The following EXOC6 variants were observed in gnomAD, a reference collection of about 807,000 sequenced individuals.
EXOC6 encodes exocyst complex component 6, also known as SEC15-like 1.
In EXOC6, 60 loss-of-function variants were observed where a neutral mutation model predicts 112.5. The ratio of observed to expected loss-of-function variants is 0.53; its 90% CI spans 0.43 to 0.66. The LOEUF (loss-of-function observed/expected upper bound fraction) is 0.66, where lower values mean the gene tolerates loss of function less well. Ranked by LOEUF, EXOC6 falls within the 30% of genes least tolerant of loss-of-function variation. The pLI, the probability that EXOC6 is intolerant of heterozygous loss-of-function variation, is 0.00. For synonymous variants in EXOC6, 295 were observed against 308.0 expected, an observed-to-expected ratio of 0.96 and a Z score of 0.44; for missense variants, 855 against 957.1, an observed-to-expected ratio of 0.89 and a Z score of 1.41.
At chr10:92,944,152 T>G (rs1302517780) in intron 13 of EXOC6, among the ~76,000 whole-genome samples, 1 of 152,198 alleles carries the variant, frequency 6.6e-6, no homozygotes, top group African/African-American at 2.4e-5. Flanking sequence ...CAAAGGTCGA[T>G]TCCGTATTTT....
chr10:93,024,318 G>GAT (rs1844920033), intron 20 of EXOC6, among the ~76,000 whole-genome samples: 14 of 152,208 alleles, frequency 9.2e-5, no homozygotes, highest in Admixed American at 8.5e-4. Flanking sequence ...TTTCCCAAAG[G>GAT]GTCTTTCCAG....
intron 17 of EXOC6, among the ~76,000 whole-genome samples, chr10:92,957,110 T>G (rs963340395): frequency 2.0e-5 from 3 of 152,192 alleles, no homozygotes; most frequent in African/African-American, 7.2e-5. Context: ...TAGTTACTTA[T>G]TTATCCAAGG....
chr10:93,057,283 T>TTAATTGACCTTAGAAA (rs1465377474), intron 21 of EXOC6, among the ~76,000 whole-genome samples: 1 of 152,140 alleles, frequency 6.6e-6, no homozygotes, highest in Non-Finnish European at 1.5e-5. Flanking sequence ...AATTGCAAGC[T>TTAATTGACCTTAGAAA]TAATTGACCT....
At chr10:92,856,546 G>A (rs1032354736) in intron 1 of EXOC6, among the ~76,000 whole-genome samples, 1 of 152,138 alleles carries the variant, frequency 6.6e-6, no homozygotes, top group African/African-American at 2.4e-5. Flanking sequence ...ATTGCAGTCA[G>A]AGATAATAAT....
At chr10:92,834,573 T>C (rs1356340650), upstream of EXOC6, 4 of 528,720 alleles carry the variant, frequency 7.6e-6, no homozygotes, top group Non-Finnish European at 1.3e-5. Flanking sequence ...CAAAGACTTT[T>C]ATAGCATGAA....
At chr10:92,988,841 G>A (rs959648493) in intron 18 of EXOC6, among the ~76,000 whole-genome samples, 75 of 126,082 alleles carry the variant, frequency 5.9e-4, no homozygotes, top group Admixed American at 9.5e-4. Context: ...ACACACACAC[G>A]CATTTCTGAC....
At chr10:92,847,264 T>C (rs949140554), upstream of EXOC6, among the ~76,000 whole-genome samples, 2 of 152,244 alleles carry the variant, frequency 1.3e-5, no homozygotes, top group Non-Finnish European at 2.9e-5. Context: ...GACACTGCCA[T>C]TGTCATTTAC....
chr10:92,983,962 T>G (rs1233978470), intron 18 of EXOC6, among the ~76,000 whole-genome samples: 1 of 152,204 alleles, frequency 6.6e-6, no homozygotes, highest in African/African-American at 2.4e-5. Flanking sequence ...ATAGCTATAC[T>G]ATTATTTTTA....
intron 20 of EXOC6, among the ~76,000 whole-genome samples, chr10:93,034,229 A>G (rs1005776340): frequency 1.2e-4 from 19 of 152,150 alleles, no homozygotes; most frequent in Non-Finnish European, 2.2e-4. Context: ...GCTACCATCT[A>G]TTGGTTTTTA....
chr10:92,842,683 T>C (rs1221191628), intron 1 of EXOC6, among the ~76,000 whole-genome samples: 1 of 151,794 alleles, frequency 6.6e-6, no homozygotes, highest in Non-Finnish European at 1.5e-5. Flanking sequence ...ATTGCTTGTC[T>C]TATAAACTGG....
intron 20 of EXOC6, among the ~76,000 whole-genome samples, chr10:93,024,176 A>G (rs1443747066): frequency 6.6e-6 from 1 of 152,190 alleles, no homozygotes; most frequent in Non-Finnish European, 1.5e-5. Context: ...TCGTATCTTG[A>G]TAATCTTTTA....
rs568777706 is a variant in EXOC6, at chr10:92,827,768, G to A, written c.-27+824G>A. ...GCTAAAGGTCATTCTAGGCTCAGGG[G>A]TTCCCACACCTTTGTTGCTCCTGAT... On this transcript the variant is annotated intron_variant, in intron 1 of 22. Coordinates refer to the EXOC6 transcript ENST00000671701. 9.9e-5 allele frequency among the ~76,000 whole-genome samples: 15 copies of A among 152,234 alleles called. No homozygotes were observed. The South Asian group carries it at 3.1e-3, about 32-fold the overall frequency.
chr10:92,909,336 A>C, intron 5 of EXOC6, 91 bp from the exon 6 acceptor site: 1 of 851,238 alleles, frequency 1.2e-6, no homozygotes, highest in South Asian at 2.1e-5. Context: ...TTTTTGATGA[A>C]TAATCAGTGT....
chr10:92,996,824 C>T (rs1590001728), intron 18 of EXOC6, among the ~76,000 whole-genome samples: 1 of 152,132 alleles, frequency 6.6e-6, no homozygotes, highest in African/African-American at 2.4e-5. Context: ...CCACATACTT[C>T]CAACCTACCA....
chr10:92,896,181 ATTTTTTTT>A (rs58783356), intron 4 of EXOC6, among the ~76,000 whole-genome samples: 105 of 10,222 alleles, frequency 0.01, 2 homozygotes, highest in Non-Finnish European at 0.011. Flanking sequence ...ATATATATAT[ATTTTTTTT>A]TTTTTTTTTT....
Position 92,940,818 on chromosome 10 carries a change from T to A in EXOC6, c.1304T>A (p.Val435Asp). 1 of 1,604,216 alleles carries A rather than the reference T, an allele frequency of 6.2e-7. No homozygotes were observed. Among genetic ancestry groups the A allele is most frequent in the Non-Finnish European group, 8.5e-7 (1 of 1,174,566 alleles). ...ACACTGCTTAAGAAATGGGCTGGAG[T>A]TTTCAGGTTAGTCTAAGTCATGGTG... Reference protein sequence around the residue: ...NETLLKKWAGVFRDIFEEDNY... With the variant: ...NETLLKKWAGDFRDIFEEDNY... The change falls in exon 13 of 22, where the codon GTT becomes GAT. Residue 435 changes from valine (V) to aspartate (D), a missense_variant. By Grantham distance (152) the Val-to-Asp change is radical. Coordinates refer to ENST00000260762, the MANE Select transcript of EXOC6 (RefSeq NM_019053.6).
intron 20 of EXOC6, among the ~76,000 whole-genome samples, chr10:93,029,578 C>CT (rs1845181574): frequency 6.6e-6 from 1 of 152,136 alleles, no homozygotes. Context: ...GTCTTCTACT[C>CT]TGTTGCTTGT....
chr10:92,962,753 C>G (rs962814938), intron 17 of EXOC6, among the ~76,000 whole-genome samples: 1 of 152,114 alleles, frequency 6.6e-6, no homozygotes, highest in African/African-American at 2.4e-5. Context: ...TGGTTCTTGA[C>G]CACTAGGATT....
chr10:92,929,731 G>C (rs1163287255), intron 9 of EXOC6, among the ~76,000 whole-genome samples: 1 of 152,132 alleles, frequency 6.6e-6, no homozygotes, highest in Non-Finnish European at 1.5e-5. Context: ...ATTATGAATA[G>C]GTTTAACAGT....
Sources: allele counts gnomAD v4.1 joint callset (sites outside exome capture counted in the v4.1 genomes callset), GRCh38; gene constraint gnomAD v4.1.1; transcripts MANE v1.5; gene names NCBI Gene and HGNC (gene_info 2026-07-23, HGNC 2026-07-21).